Variants in NRG3 observed in about 807,000 individuals in gnomAD.
The protein encoded by NRG3 is pro-neuregulin-3, membrane-bound isoform.
NRG3 carries 31 observed loss-of-function variants against 66.9 expected under a neutral mutation model. The ratio of observed to expected loss-of-function variants is 0.46; its 90% CI spans 0.35 to 0.63. The LOEUF (loss-of-function observed/expected upper bound fraction) is 0.63. Ranked by LOEUF, NRG3 falls within the 20% of genes least tolerant of loss-of-function variation. The pLI is 0.00. For missense variants in NRG3, 910 were observed against 878.9 expected (o/e 1.04, Z -0.45); for synonymous variants, 393 against 359.4 (o/e 1.09, Z -1.06).
chr10:82,251,660 C>T (rs1282989242), intron 1 of NRG3, among the ~76,000 whole-genome samples: 1 of 152,112 alleles, frequency 6.6e-6, no homozygotes, highest in African/African-American at 2.4e-5. Context: ...AGAAATTGAT[C>T]AGTGTGGGAT....
intron 2 of NRG3, among the ~76,000 whole-genome samples, chr10:82,434,067 C>T (rs1171298165): frequency 6.6e-6 from 1 of 152,136 alleles, no homozygotes; most frequent in Non-Finnish European, 1.5e-5. Flanking sequence ...GGTATTGATT[C>T]TTCCTATCCA....
intron 3 of NRG3, among the ~76,000 whole-genome samples, chr10:82,754,520 CAG>C (rs1355494097): frequency 7.2e-6 from 1 of 138,684 alleles, no homozygotes; most frequent in Non-Finnish European, 1.6e-5. Flanking sequence ...ATTAAAATAA[CAG>C]AGAAAGGGGG....
intron 2 of NRG3, among the ~76,000 whole-genome samples, chr10:82,676,103 G>C (rs748076399): frequency 6.6e-6 from 1 of 152,084 alleles, no homozygotes; most frequent in South Asian, 2.1e-4. Flanking sequence ...CAACAGCATT[G>C]CAGTAAAGAA....
chr10:81,994,811 AT>A (rs1246586755), intron 1 of NRG3, among the ~76,000 whole-genome samples: 1 of 152,106 alleles, frequency 6.6e-6, no homozygotes, highest in Non-Finnish European at 1.5e-5. Flanking sequence ...TACTTGTAGA[AT>A]TTTTTAAATC....
At chr10:82,413,085 T>C (rs894450923) in intron 2 of NRG3, among the ~76,000 whole-genome samples, 4 of 152,176 alleles carry the variant, frequency 2.6e-5, no homozygotes, top group Non-Finnish European at 5.9e-5. Flanking sequence ...CTATAGATCC[T>C]TAATAGTCTT....
At chr10:82,045,860 CA>C (rs1390788881) in intron 1 of NRG3, among the ~76,000 whole-genome samples, 1 of 145,570 alleles carries the variant, frequency 6.9e-6, no homozygotes, top group African/African-American at 2.6e-5. Flanking sequence ...TCAGGTTTGT[CA>C]AAGATCAGAT....
chr10:82,512,673 C>T (rs1845299684), intron 2 of NRG3, among the ~76,000 whole-genome samples: 1 of 152,184 alleles, frequency 6.6e-6, no homozygotes, highest in South Asian at 2.1e-4. Context: ...TCCTTCATTG[C>T]ATGCTATTCT....
chr10:81,958,933 A>G (rs1850095743), intron 1 of NRG3, among the ~76,000 whole-genome samples: 2 of 152,124 alleles, frequency 1.3e-5, no homozygotes, highest in South Asian at 2.1e-4. Flanking sequence ...TATACAGTCT[A>G]TGTGGGATAT....
At chr10:82,161,389 T>A (rs1213059844) in intron 1 of NRG3, among the ~76,000 whole-genome samples, 1 of 152,136 alleles carries the variant, frequency 6.6e-6, no homozygotes, top group African/African-American at 2.4e-5. Flanking sequence ...GCATGAAATC[T>A]TGTTTTAAAT....
chr10:82,067,489 A>G (rs563260078), intron 1 of NRG3, among the ~76,000 whole-genome samples: 5 of 152,200 alleles, frequency 3.3e-5, no homozygotes, highest in African/African-American at 1.2e-4. Flanking sequence ...CTGAGATTAC[A>G]GGTTCCTGCC....
At position 82,137,859 on chromosome 10, in the gene NRG3, A is replaced by G. The variant is rs77123626; in HGVS notation, c.824-220880A>G. Among the ~76,000 whole-genome samples the G allele has an allele frequency of 5.1e-3, 776 of 152,218 alleles. 41 individuals carry two copies. In the East Asian group the frequency reaches 0.11, roughly 21 times the overall value. The stretch of plus-strand genomic sequence containing the variant: ...ATTTAAGTTAAATACCCCAGAATCT[A>G]TTTCACTCTAAAACTGAATGCTAAC... On this transcript the variant is annotated intron_variant, in intron 1 of 8. Coordinates refer to ENST00000372141, the MANE Select transcript of NRG3 (RefSeq NM_001010848.4).
chr10:81,896,294 A>G (rs1485566269), intron 1 of NRG3, among the ~76,000 whole-genome samples: 1 of 152,100 alleles, frequency 6.6e-6, no homozygotes, highest in Non-Finnish European at 1.5e-5. Flanking sequence ...AATTTCTGAC[A>G]CACTGAACAC....
chr10:82,839,975 A>G (rs1367952750), intron 3 of NRG3, among the ~76,000 whole-genome samples: 3 of 152,086 alleles, frequency 2.0e-5, no homozygotes, highest in Non-Finnish European at 2.9e-5. Flanking sequence ...CTCTTTCCTT[A>G]TGCTACCTTC....
intron 1 of NRG3, among the ~76,000 whole-genome samples, chr10:81,923,145 T>TA (rs1846411826): frequency 6.6e-6 from 1 of 151,876 alleles, no homozygotes; most frequent in Non-Finnish European, 1.5e-5. Context: ...GCATTTCTGT[T>TA]TTATCTCTTA....
intron 1 of NRG3, among the ~76,000 whole-genome samples, chr10:82,238,285 A>G (rs1248668777): frequency 6.6e-6 from 1 of 152,172 alleles, no homozygotes; most frequent in Admixed American, 6.5e-5. Flanking sequence ...CAATCCTATA[A>G]CACAGGCAAA....
intron 1 of NRG3, among the ~76,000 whole-genome samples, chr10:82,270,970 T>A (rs1459763544): frequency 6.6e-6 from 1 of 152,108 alleles, no homozygotes; most frequent in African/African-American, 2.4e-5. Flanking sequence ...CATTCCAGGA[T>A]GAGGGTGAGA....
At chr10:82,568,056 G>T (rs2045519643) in intron 2 of NRG3, among the ~76,000 whole-genome samples, 2 of 151,688 alleles carry the variant, frequency 1.3e-5, no homozygotes, top group Non-Finnish European at 1.5e-5. Flanking sequence ...GTATCTTATG[G>T]GCCTAAAAGA....
chr10:81,878,027 G>A (rs1273921388), intron 1 of NRG3: 40 of 1,537,460 alleles, frequency 2.6e-5, no homozygotes, highest in South Asian at 5.9e-5. Context: ...CACGGTAGGG[G>A]TATTTCATGT....
At chr10:82,066,855 C>G (rs2064503977) in intron 1 of NRG3, among the ~76,000 whole-genome samples, 1 of 152,046 alleles carries the variant, frequency 6.6e-6, no homozygotes, top group Non-Finnish European at 1.5e-5. Context: ...TGAATCCTAT[C>G]ATACTGGCTG....
Sources: allele counts gnomAD v4.1 joint callset (sites outside exome capture counted in the v4.1 genomes callset), GRCh38; gene constraint gnomAD v4.1.1; transcripts MANE v1.5; gene names NCBI Gene and HGNC (gene_info 2026-07-23, HGNC 2026-07-21).